The following LIMD1 variants were observed in gnomAD, a reference collection of about 807,000 sequenced individuals.
The protein encoded by LIMD1 is LIM domain containing 1, also known as LIM domain-containing protein 1.
In LIMD1, 23 loss-of-function variants were observed where a neutral mutation model predicts 58.4. That is an observed-to-expected ratio of 0.39 (90% confidence interval 0.28 to 0.56). The LOEUF (loss-of-function observed/expected upper bound fraction) is 0.56. LIMD1 is among the 20% of genes least tolerant of loss of function. The pLI, the probability that LIMD1 is intolerant of heterozygous loss-of-function variation, is 0.57. For synonymous variants in LIMD1, 334 were observed against 345.5 expected, an observed-to-expected ratio of 0.97 and a Z score of 0.37; for missense variants, 838 against 855.5, an observed-to-expected ratio of 0.98 and a Z score of 0.25.
intron 2 of LIMD1, among the ~76,000 whole-genome samples, chr3:45,651,043 A>G (rs540296672): frequency 8.8e-5 from 13 of 146,894 alleles, no homozygotes; most frequent in South Asian, 8.6e-4. Flanking sequence ...CTGACATGAG[A>G]TGGTATCTCA....
chr3:45,604,570 C>T (rs1701449437), intron 1 of LIMD1, among the ~76,000 whole-genome samples: 1 of 152,116 alleles, frequency 6.6e-6, no homozygotes, highest in African/African-American at 2.4e-5. Context: ...CCTTGGAGAC[C>T]CTCGCTCTGG....
chr3:45,658,570 G>C (rs2742425), intron 2 of LIMD1, among the ~76,000 whole-genome samples: 3 of 45,468 alleles, frequency 6.6e-5, no homozygotes, highest in African/African-American at 2.2e-4. Flanking sequence ...TTTTTTTTGA[G>C]ACTGAGTTTT....
intron 1 of LIMD1, among the ~76,000 whole-genome samples, chr3:45,607,619 C>G (rs1057213294): frequency 6.6e-6 from 1 of 152,092 alleles, no homozygotes; most frequent in Non-Finnish European, 1.5e-5. Context: ...CATGGGTCCT[C>G]CCTGCAGCTA....
rs1405274263 is a variant in LIMD1 at position 45,674,384 on chromosome 3, C to T, written c.1866C>T (p.Asp622=). The change falls in exon 7 of 8, where the codon GAC becomes GAT. Residue 622 remains aspartate, a synonymous_variant. Transcript: ENST00000273317. ...ETIRVVSMDR[D]YHVECYHCED... ...TCCGTGTCGTGTCCATGGACAGAGA[C>T]TACCACGTGGAGTGTTACCACTGCG... 3 of 1,613,998 alleles carry T rather than the reference C, an allele frequency of 1.9e-6. No individual in the cohort carries two copies. In the South Asian group the frequency reaches 3.3e-5, roughly 18 times the overall value.
At chr3:45,650,572 G>A (rs1423781921) in intron 2 of LIMD1, among the ~76,000 whole-genome samples, 2 of 142,002 alleles carry the variant, frequency 1.4e-5, no homozygotes, top group Non-Finnish European at 1.5e-5. Context: ...CCACTTATGA[G>A]TGAGAACATG....
intron 1 of LIMD1, among the ~76,000 whole-genome samples, chr3:45,614,853 T>C (rs1174131730): frequency 1.3e-5 from 2 of 149,402 alleles, no homozygotes; most frequent in Non-Finnish European, 3.0e-5. Context: ...ATTGGAAAGG[T>C]CACCGATCAT....
rs1372473037 is a variant in LIMD1 at position 45,677,904 on chromosome 3, C to CA, written c.*847dup. The CA allele has an allele frequency of 1.3e-5, 2 of 152,148 alleles. No individual in the cohort carries two copies. Among genetic ancestry groups the CA allele is most frequent in the Non-Finnish European group, 2.9e-5 (2 of 68,024 alleles). 9.4% of individuals were successfully genotyped at this position (152,148 alleles called of 1,614,324 possible). ...TTGGTGACTTGGAAGGCCGCTTCTG[C>CA]AAGGCAAGTCTCAGGAACCCATGCA... On this transcript the variant is annotated 3_prime_UTR_variant, in exon 8 of 8. Coordinates refer to ENST00000273317, the MANE Select transcript of LIMD1 (RefSeq NM_014240.3).
intron 1 of LIMD1, among the ~76,000 whole-genome samples, chr3:45,604,924 A>C (rs1244561433): frequency 6.6e-6 from 1 of 152,226 alleles, no homozygotes; most frequent in Non-Finnish European, 1.5e-5. Flanking sequence ...TTAACAGTCC[A>C]GAACATGAAA....
intron 2 of LIMD1, among the ~76,000 whole-genome samples, chr3:45,652,193 C>T (rs114963076): frequency 6.6e-6 from 1 of 152,194 alleles, no homozygotes. Context: ...TCCCTAAGTG[C>T]TGGCATTACA....
chr3:45,683,956 A>G lies in LIMD1; in HGVS notation c.*6897A>G, dbSNP rs186673034. Reference sequence around the variant, plus strand: ...GAGAGGAAATGAAAGAATATTCCTAAGTTATTGGGTGCCTTTTCTTCAGGA... The same window carrying G: ...GAGAGGAAATGAAAGAATATTCCTAGGTTATTGGGTGCCTTTTCTTCAGGA... On this transcript the variant is annotated 3_prime_UTR_variant, in exon 8 of 8. Transcript: ENST00000273317. The G allele has an allele frequency of 8.5e-5, 13 of 152,290 alleles. No homozygotes were observed. The highest frequency in any genetic ancestry group is 3.1e-4 in the African/African-American group (13 of 41,546). The allele number at this position is 152,290 out of a possible 1,614,324, so 9.4% of individuals were successfully genotyped here.
intron 2 of LIMD1, among the ~76,000 whole-genome samples, chr3:45,650,931 T>C (rs1701964833): frequency 6.6e-6 from 1 of 151,834 alleles, no homozygotes; most frequent in South Asian, 2.1e-4. Context: ...CCACAATGGT[T>C]GAACTAATTT....
chr3:45,619,685 A>G (rs28576206), intron 1 of LIMD1, among the ~76,000 whole-genome samples: 1,792 of 152,188 alleles, frequency 0.012, 45 homozygotes, highest in African/African-American at 0.039. Context: ...TGTAATCCCA[A>G]CTACTCGGGA....
chr3:45,650,477 C>G (rs1701956272), intron 2 of LIMD1, among the ~76,000 whole-genome samples: 1 of 146,576 alleles, frequency 6.8e-6, no homozygotes, highest in African/African-American at 2.6e-5. Context: ...CTAATGCTAT[C>G]CCTCCCCCAG....
At chr3:45,633,935 T>A (rs1255145375) in intron 1 of LIMD1, among the ~76,000 whole-genome samples, 1 of 152,186 alleles carries the variant, frequency 6.6e-6, no homozygotes, top group Admixed American at 6.5e-5. Flanking sequence ...AGCCTGAGAA[T>A]AGCCCTGGCA....
intron 2 of LIMD1, among the ~76,000 whole-genome samples, chr3:45,664,622 G>A: frequency 6.6e-6 from 1 of 152,186 alleles, no homozygotes; most frequent in Non-Finnish European, 1.5e-5. Context: ...CCGCTGCGTT[G>A]ATGCTTTCAG....
At chr3:45,651,449 G>A (rs1701973695) in intron 2 of LIMD1, among the ~76,000 whole-genome samples, 2 of 152,098 alleles carry the variant, frequency 1.3e-5, no homozygotes, top group South Asian at 2.1e-4. Flanking sequence ...TTTTATTCTA[G>A]GGTTTTTATG....
At chr3:45,653,852 G>C (rs1410243229) in intron 2 of LIMD1, among the ~76,000 whole-genome samples, 1 of 138,924 alleles carries the variant, frequency 7.2e-6, no homozygotes, top group Non-Finnish European at 1.5e-5. Context: ...GGAGGTTGCT[G>C]TGAGCCAAGA....
Position 45,684,502 on chromosome 3 carries a change from G to A in LIMD1, c.*7443G>A, listed in dbSNP as rs1183082600. The A allele has an allele frequency of 6.6e-6, 1 of 152,208 alleles. No homozygotes were observed. Among genetic ancestry groups the A allele is most frequent in the East Asian group, 1.9e-4 (1 of 5,198 alleles). 9.4% of individuals were successfully genotyped at this position (152,208 alleles called of 1,614,324 possible). On this transcript the variant is annotated 3_prime_UTR_variant, in exon 8 of 8. Transcript: ENST00000273317. Reference sequence around the variant, plus strand: ...CGGACACACGTGGGTGGGTTAAGGAGCAGAAAGTTTAACAGGCAGAAAAAA... The same window carrying A: ...CGGACACACGTGGGTGGGTTAAGGAACAGAAAGTTTAACAGGCAGAAAAAA...
Position 45,623,957 on chromosome 3 carries a change from A to C in LIMD1, c.1409-12193A>C, listed in dbSNP as rs553512332. 9.9e-5 allele frequency among the ~76,000 whole-genome samples: 15 copies of C among 152,170 alleles called. No individual in the cohort carries two copies. In the East Asian group the frequency reaches 2.9e-3, roughly 29 times the overall value. On this transcript the variant is annotated intron_variant, in intron 1 of 7. Transcript: ENST00000273317. Reference sequence around the variant, plus strand: ...GTTAGTCAGGAGCCCAGCAGCAGCCACCCCTGGAGATCTTTTGTGAGCTTT... The same window carrying C: ...GTTAGTCAGGAGCCCAGCAGCAGCCCCCCCTGGAGATCTTTTGTGAGCTTT...
Sources: gnomAD v4.1 joint callset for allele counts (sites outside exome capture counted in the v4.1 genomes callset) on GRCh38, gnomAD v4.1.1 for gene constraint, MANE v1.5 for transcripts, NCBI Gene and HGNC (gene_info 2026-07-23, HGNC 2026-07-21) for gene names.